The following NXPH2 variants were observed in gnomAD, a reference collection of about 807,000 sequenced individuals.
NXPH2 encodes neurexophilin 2, also known as neurexophilin-2.
NXPH2 carries 5 observed loss-of-function variants against 19.8 expected under a neutral mutation model. The ratio of observed to expected loss-of-function variants is 0.25; its 90% CI spans 0.13 to 0.53. NXPH2 has a LOEUF of 0.53. NXPH2 is among the 20% of genes least tolerant of loss of function. The probability of loss-of-function intolerance (pLI) is 0.96; values close to 1 mark genes in which losing one functional copy is unlikely to be tolerated. For missense variants in NXPH2, 289 were observed against 322.8 expected (o/e 0.90, Z 0.80); for synonymous variants, 154 against 127.4 (o/e 1.21, Z -1.41).
chr2:138,772,566 G>C (rs1461650242), intron 1 of NXPH2, among the ~76,000 whole-genome samples: 2 of 152,116 alleles, frequency 1.3e-5, no homozygotes, highest in Non-Finnish European at 1.5e-5. Context: ...CAAAGTGCTG[G>C]GACTACAGGG....
intron 1 of NXPH2, among the ~76,000 whole-genome samples, chr2:138,715,839 C>T (rs1166964303): frequency 6.6e-6 from 1 of 152,200 alleles, no homozygotes; most frequent in Non-Finnish European, 1.5e-5. Flanking sequence ...TCATCAGCCA[C>T]CTCTTCAACA....
chr2:138,695,583 T>C (rs1680817809), intron 1 of NXPH2, among the ~76,000 whole-genome samples: 1 of 152,152 alleles, frequency 6.6e-6, no homozygotes, highest in Admixed American at 6.6e-5. Context: ...ATGATTTTTA[T>C]TCAGAAATAA....
At chr2:138,725,602 G>A (rs1681344373) in intron 1 of NXPH2, among the ~76,000 whole-genome samples, 1 of 152,174 alleles carries the variant, frequency 6.6e-6, no homozygotes, top group African/African-American at 2.4e-5. Flanking sequence ...GAAAGATGTT[G>A]TAGACTTATG....
At chr2:138,750,167 T>C (rs973204012) in intron 1 of NXPH2, among the ~76,000 whole-genome samples, 2 of 152,184 alleles carry the variant, frequency 1.3e-5, no homozygotes, top group African/African-American at 2.4e-5. Flanking sequence ...ACTTCCAAAA[T>C]ACAAGTCTTC....
At chr2:138,725,258 G>A (rs1268527397) in intron 1 of NXPH2, among the ~76,000 whole-genome samples, 1 of 152,176 alleles carries the variant, frequency 6.6e-6, no homozygotes, top group Admixed American at 6.5e-5. Flanking sequence ...AGTGGTTGAT[G>A]TTTAACTTTT....
intron 1 of NXPH2, among the ~76,000 whole-genome samples, chr2:138,724,842 A>C (rs1384451230): frequency 6.6e-6 from 1 of 152,258 alleles, no homozygotes. Flanking sequence ...AACATGCTTT[A>C]TGCTCCATGC....
intron 1 of NXPH2, among the ~76,000 whole-genome samples, chr2:138,740,079 G>T (rs1185231612): frequency 1.3e-5 from 2 of 152,134 alleles, no homozygotes; most frequent in African/African-American, 4.8e-5. Context: ...CCCCAGAAAA[G>T]ACACACGCAG....
At position 138,670,526 on chromosome 2, in the gene NXPH2, G is replaced by A. The variant is rs3732351; in HGVS notation, c.*396C>T. Among the ~76,000 whole-genome samples, 110,624 of 152,164 alleles carry A rather than the reference G, an allele frequency of 0.73. 40,971 individuals are homozygous for A. Among genetic ancestry groups the A allele is most frequent in the African/African-American group, 0.84 (34,828 of 41,546 alleles). On this transcript the variant is annotated 3_prime_UTR_variant, in exon 2 of 2. Coordinates refer to ENST00000272641, the MANE Select transcript of NXPH2 (RefSeq NM_007226.3). ...AATCTTTTCCTTTACCGCATCTGCT[G>A]TTTCTGCGGTAACCTTCCAAAACAT...
In NXPH2 at chr2:138,674,072, G is replaced by A. The variant is rs553072547; in HGVS notation, c.52-2407C>T. 1.9e-3 allele frequency among the ~76,000 whole-genome samples: 289 copies of A among 151,882 alleles called. 1 individual carries two copies. Among genetic ancestry groups the A allele is most frequent in the Middle Eastern group, 6.8e-3 (2 of 294 alleles). On this transcript the variant is annotated intron_variant, in intron 1 of 1. Transcript: ENST00000272641. ...AGCTCACTGCAACCTCAAACTCCTG[G>A]GCTCAAGTGATTCTCCCTCCTCAGC...
chr2:138,672,286 C>G (rs996461910), intron 1 of NXPH2, among the ~76,000 whole-genome samples: 9 of 151,874 alleles, frequency 5.9e-5, no homozygotes, highest in African/African-American at 2.2e-4. Flanking sequence ...TTTATAAAAA[C>G]AGAAAGTAAT....
At chr2:138,752,869 A>G (rs931654926) in intron 1 of NXPH2, among the ~76,000 whole-genome samples, 1 of 152,166 alleles carries the variant, frequency 6.6e-6, no homozygotes, top group African/African-American at 2.4e-5. Flanking sequence ...TCAGACTGGG[A>G]TTACATGTTT....
At chr2:138,776,961 T>C (rs1682273321) in intron 1 of NXPH2, among the ~76,000 whole-genome samples, 1 of 152,088 alleles carries the variant, frequency 6.6e-6, no homozygotes, top group Non-Finnish European at 1.5e-5. Flanking sequence ...TTAACTAATA[T>C]TTTATTTTGT....
At chr2:138,692,070 C>G (rs1238116327) in intron 1 of NXPH2, among the ~76,000 whole-genome samples, 2 of 152,178 alleles carry the variant, frequency 1.3e-5, no homozygotes, top group Admixed American at 1.3e-4. Flanking sequence ...GTAATCAGAG[C>G]TTTGCCCTAT....
At chr2:138,702,976 T>C (rs940200730) in intron 1 of NXPH2, among the ~76,000 whole-genome samples, 1 of 152,236 alleles carries the variant, frequency 6.6e-6, no homozygotes, top group African/African-American at 2.4e-5. Context: ...GGATGTTCTA[T>C]TGACAAATTA....
chr2:138,681,388 A>C (rs1680577926), intron 1 of NXPH2, among the ~76,000 whole-genome samples: 1 of 152,192 alleles, frequency 6.6e-6, no homozygotes, highest in Non-Finnish European at 1.5e-5. Context: ...TCTATACTTT[A>C]AGAGAATGTT....
At chr2:138,762,894 A>C (rs1460026233) in intron 1 of NXPH2, among the ~76,000 whole-genome samples, 3 of 152,228 alleles carry the variant, frequency 2.0e-5, no homozygotes, top group Non-Finnish European at 4.4e-5. Flanking sequence ...TCCTTAAGCC[A>C]GACCACACCT....
In NXPH2 at chr2:138,744,384, TGA is replaced by T. The variant is rs375211742; in HGVS notation, c.51+35805_51+35806del. ...ACAAGGCTTTTCCAGAGGGAGGGAA[TGA>T]GAGAGAATAGTAATGCATTGTTATC... On this transcript the variant is annotated intron_variant, in intron 1 of 1. Transcript: ENST00000272641. 1.3e-3 allele frequency among the ~76,000 whole-genome samples: 204 copies of T among 152,180 alleles called. 3 individuals carry two copies. Among genetic ancestry groups the T allele is most frequent in the African/African-American group, 4.7e-3 (195 of 41,536 alleles).
intron 1 of NXPH2, among the ~76,000 whole-genome samples, chr2:138,713,930 GCACCACT>G (rs1681150564): frequency 1.3e-5 from 2 of 150,928 alleles, no homozygotes; most frequent in Non-Finnish European, 2.9e-5. Context: ...CCTATTCAGT[GCACCACT>G]CACAAGTTAT....
At chr2:138,735,675 T>A (rs1681528221) in intron 1 of NXPH2, among the ~76,000 whole-genome samples, 1 of 152,184 alleles carries the variant, frequency 6.6e-6, no homozygotes, top group African/African-American at 2.4e-5. Context: ...CAATCATGTC[T>A]TCCCAAAAGT....
Sources: gnomAD v4.1 joint callset for allele counts (sites outside exome capture counted in the v4.1 genomes callset) on GRCh38, gnomAD v4.1.1 for gene constraint, MANE v1.5 for transcripts, NCBI Gene and HGNC (gene_info 2026-07-23, HGNC 2026-07-21) for gene names.